NXPH1: variants seen among roughly 807,000 people sequenced by gnomAD.
NXPH1 encodes neurexophilin-1.
In NXPH1, 5 loss-of-function variants were observed where a neutral mutation model predicts 23.7. The ratio of observed to expected loss-of-function variants is 0.21; its 90% confidence interval spans 0.11 to 0.44. The LOEUF is 0.44. Among genes scored for constraint, NXPH1 ranks in the 20% least tolerant of loss-of-function variants. The pLI, the probability that NXPH1 is intolerant of heterozygous loss-of-function variation, is 0.99. For synonymous variants in NXPH1, 144 were observed against 122.2 expected (o/e 1.18, Z -1.18); for missense variants, 324 against 321.6 (o/e 1.01, Z -0.06).
At chr7:8,475,460 C>G (rs909032764) in intron 2 of NXPH1, among the ~76,000 whole-genome samples, 1 of 152,086 alleles carries the variant, frequency 6.6e-6, no homozygotes, top group African/African-American at 2.4e-5. Context: ...TGAATAATAA[C>G]TAAACCCATG....
chr7:8,543,893 T>C (rs1818156076), intron 2 of NXPH1, among the ~76,000 whole-genome samples: 1 of 151,678 alleles, frequency 6.6e-6, no homozygotes, highest in Non-Finnish European at 1.5e-5. Flanking sequence ...TTCATTTGAA[T>C]AATGGAATTT....
chr7:8,448,305 C>T (rs934765474), intron 2 of NXPH1, among the ~76,000 whole-genome samples: 2 of 152,182 alleles, frequency 1.3e-5, no homozygotes, highest in Non-Finnish European at 2.9e-5. Context: ...AGAAAAAAGT[C>T]TTGCTAACAT....
At chr7:8,549,996 G>A (rs1818253537) in intron 2 of NXPH1, among the ~76,000 whole-genome samples, 1 of 151,526 alleles carries the variant, frequency 6.6e-6, no homozygotes, top group Non-Finnish European at 1.5e-5. Context: ...GTTTGTATCT[G>A]GTGATATATA....
chr7:8,554,573 A>G (rs960678430), intron 2 of NXPH1, among the ~76,000 whole-genome samples: 2 of 151,738 alleles, frequency 1.3e-5, no homozygotes, highest in Admixed American at 1.3e-4. Flanking sequence ...TGTTCCACAT[A>G]CTTCCACATC....
intron 2 of NXPH1, among the ~76,000 whole-genome samples, chr7:8,522,836 G>A (rs1331536719): frequency 2.0e-5 from 3 of 152,138 alleles, no homozygotes; most frequent in African/African-American, 7.2e-5. Flanking sequence ...ATTATGATCT[G>A]AGTTCAAAGG....
chr7:8,480,352 C>T (rs1019153883), intron 2 of NXPH1, among the ~76,000 whole-genome samples: 4 of 152,108 alleles, frequency 2.6e-5, no homozygotes, highest in Admixed American at 6.6e-5. Flanking sequence ...ATATATGTGG[C>T]CTGAGATCTT....
At chr7:8,636,386 C>T (rs2115138759) in intron 2 of NXPH1, among the ~76,000 whole-genome samples, 1 of 152,338 alleles carries the variant, frequency 6.6e-6, no homozygotes, top group East Asian at 1.9e-4. Context: ...GTTCATCAGT[C>T]AGCAGAATTT....
intron 2 of NXPH1, among the ~76,000 whole-genome samples, chr7:8,470,517 G>A (rs946928480): frequency 3.9e-5 from 6 of 152,046 alleles, no homozygotes; most frequent in Non-Finnish European, 8.8e-5. Flanking sequence ...GACCATTTAG[G>A]GCAAACTTTA....
chr7:8,541,029 A>C (rs1188028018), intron 2 of NXPH1, among the ~76,000 whole-genome samples: 1 of 151,796 alleles, frequency 6.6e-6, no homozygotes, highest in Non-Finnish European at 1.5e-5. Context: ...AATGTCTGGC[A>C]TTTAATTGAA....
intron 2 of NXPH1, among the ~76,000 whole-genome samples, chr7:8,593,670 G>A (rs1269743609): frequency 2.0e-5 from 3 of 152,040 alleles, no homozygotes; most frequent in African/African-American, 7.2e-5. Context: ...TAGCCAGTTT[G>A]TCTTGATGTC....
intron 2 of NXPH1, among the ~76,000 whole-genome samples, chr7:8,591,611 A>G (rs933408522): frequency 1.3e-5 from 2 of 151,964 alleles, no homozygotes; most frequent in Non-Finnish European, 2.9e-5. Flanking sequence ...TTTCCATTCC[A>G]TTATTTGCAA....
intron 2 of NXPH1, among the ~76,000 whole-genome samples, chr7:8,633,599 C>CA (rs1820169317): frequency 1.3e-5 from 2 of 152,162 alleles, no homozygotes; most frequent in Non-Finnish European, 2.9e-5. Context: ...TTATAAAACC[C>CA]AAACTTTAGA....
chr7:8,521,826 T>A (rs987835126), intron 2 of NXPH1, among the ~76,000 whole-genome samples: 5 of 152,200 alleles, frequency 3.3e-5, no homozygotes, highest in African/African-American at 1.2e-4. Flanking sequence ...ACAAGCTTCC[T>A]CAGCACATGG....
At chr7:8,473,176 A>T (rs545797621) in intron 2 of NXPH1, among the ~76,000 whole-genome samples, 2 of 152,140 alleles carry the variant, frequency 1.3e-5, no homozygotes, top group Non-Finnish European at 2.9e-5. Context: ...CTTTCAGATT[A>T]ATTCTTCAAT....
chr7:8,478,984 C>A (rs1170848722), intron 2 of NXPH1, among the ~76,000 whole-genome samples: 2 of 151,996 alleles, frequency 1.3e-5, no homozygotes, highest in Admixed American at 6.6e-5. Context: ...TCTGAGAGAT[C>A]TACTAAAGAA....
chr7:8,712,399 A>G (rs769649168), intron 2 of NXPH1, among the ~76,000 whole-genome samples: 8 of 152,190 alleles, frequency 5.3e-5, no homozygotes, highest in Non-Finnish European at 2.9e-5. Flanking sequence ...CCTGATGCTT[A>G]GCAAAGTAAA....
At chr7:8,652,236 C>T (rs1272014848) in intron 2 of NXPH1, among the ~76,000 whole-genome samples, 1 of 152,078 alleles carries the variant, frequency 6.6e-6, no homozygotes, top group African/African-American at 2.4e-5. Flanking sequence ...AACAAAATCA[C>T]CTTTAATCTG....
At chr7:8,480,251 T>G (rs1407251835) in intron 2 of NXPH1, among the ~76,000 whole-genome samples, 2 of 152,190 alleles carry the variant, frequency 1.3e-5, no homozygotes, top group Non-Finnish European at 2.9e-5. Flanking sequence ...GTTTTATTTA[T>G]AATTAAAAAT....
intron 2 of NXPH1, among the ~76,000 whole-genome samples, chr7:8,680,539 C>A (rs1211469962): frequency 6.6e-6 from 1 of 152,182 alleles, no homozygotes; most frequent in East Asian, 1.9e-4. Flanking sequence ...TTAGTTAAAA[C>A]TTGTTCAATG....
Sources: gnomAD v4.1 joint callset for allele counts (sites outside exome capture counted in the v4.1 genomes callset) on GRCh38, gnomAD v4.1.1 for gene constraint, MANE v1.5 for transcripts, NCBI Gene and HGNC (gene_info 2026-07-23, HGNC 2026-07-21) for gene names.